SLIT3: variants seen among roughly 807,000 people sequenced by gnomAD.
SLIT3 encodes slit guidance ligand 3.
In SLIT3, 68 loss-of-function variants were observed where a neutral mutation model predicts 184.0. The observed-to-expected ratio is 0.37, with a 90% CI of 0.30 to 0.45. The LOEUF (loss-of-function observed/expected upper bound fraction) is 0.45, where lower values mean the gene tolerates loss of function less well. SLIT3 is among the 20% of genes least tolerant of loss of function. SLIT3 has a pLI of 1.00. For missense variants in SLIT3, 1,707 were observed against 2,026.0 expected (o/e 0.84, Z 3.02); for synonymous variants, 831 against 828.6 (o/e 1.00, Z -0.05).
intron 4 of SLIT3, among the ~76,000 whole-genome samples, chr5:168,941,615 A>G (rs553510287): frequency 6.6e-6 from 1 of 152,288 alleles, no homozygotes; most frequent in South Asian, 2.1e-4. Flanking sequence ...AGAAATGGAA[A>G]TCCAGTCTCT....
intron 11 of SLIT3, among the ~76,000 whole-genome samples, chr5:168,787,678 T>C (rs571692581): frequency 6.6e-6 from 1 of 152,290 alleles, no homozygotes; most frequent in South Asian, 2.1e-4. Flanking sequence ...CTCCCTTGCA[T>C]GTAGGCCCCA....
At chr5:168,818,726 G>C (rs1757423265) in intron 7 of SLIT3, among the ~76,000 whole-genome samples, 1 of 152,202 alleles carries the variant, frequency 6.6e-6, no homozygotes, top group African/African-American at 2.4e-5. Flanking sequence ...AGAGCTGAAG[G>C]GCTCTTGACC....
chr5:168,968,118 C>A (rs1763277297), intron 4 of SLIT3, among the ~76,000 whole-genome samples: 1 of 152,156 alleles, frequency 6.6e-6, no homozygotes, highest in African/African-American at 2.4e-5. Flanking sequence ...CTCTCCCCTC[C>A]CATTAAATAT....
At chr5:169,099,422 T>C (rs547476622) in intron 4 of SLIT3, among the ~76,000 whole-genome samples, 3 of 152,320 alleles carry the variant, frequency 2.0e-5, no homozygotes, top group African/African-American at 7.2e-5. Context: ...TCCTAGCTCC[T>C]GTTCCTTCCC....
intron 15 of SLIT3, among the ~76,000 whole-genome samples, chr5:168,762,200 G>C (rs1452112913): frequency 6.6e-6 from 1 of 151,892 alleles, no homozygotes; most frequent in African/African-American, 2.4e-5. Flanking sequence ...TCTTCATTTA[G>C]CACCCAACTT....
Position 168,823,255 on chromosome 5 carries a change from C to G in SLIT3, c.629+5G>C, listed in dbSNP as rs1757591537. On this transcript the variant is annotated splice_donor_5th_base_variant and intron_variant, in intron 7 of 35. Coordinates refer to ENST00000519560, the MANE Select transcript of SLIT3 (RefSeq NM_003062.4). Reference sequence around the variant, plus strand: ...ATGGGAGAGATGCACAGACTTCTTACTCACAGAGTTCGGATCTTCGGCATG... The same window carrying G: ...ATGGGAGAGATGCACAGACTTCTTAGTCACAGAGTTCGGATCTTCGGCATG... 6.2e-7 allele frequency: 1 copy of G among 1,611,954 alleles called. No homozygotes were observed. The highest frequency in any genetic ancestry group is 8.5e-7 in the Non-Finnish European group (1 of 1,178,132).
intron 4 of SLIT3, among the ~76,000 whole-genome samples, chr5:168,944,142 G>A (rs940538006): frequency 1.3e-5 from 2 of 152,084 alleles, no homozygotes; most frequent in African/African-American, 2.4e-5. Flanking sequence ...ATTGGATAAC[G>A]GCCCGAGATT....
chr5:168,815,802 C>T (rs966781651), intron 8 of SLIT3, among the ~76,000 whole-genome samples: 2 of 152,182 alleles, frequency 1.3e-5, no homozygotes, highest in Non-Finnish European at 2.9e-5. Flanking sequence ...GCGCTTCTGG[C>T]CATACTGGAG....
intron 4 of SLIT3, among the ~76,000 whole-genome samples, chr5:169,122,134 G>A (rs1760900639): frequency 6.6e-6 from 1 of 151,766 alleles, no homozygotes; most frequent in Non-Finnish European, 1.5e-5. Flanking sequence ...ATTTCACTAG[G>A]GCCTATGTTT....
chr5:168,684,611 G>A (rs1311424869), intron 31 of SLIT3, among the ~76,000 whole-genome samples: 3 of 151,872 alleles, frequency 2.0e-5, no homozygotes, highest in Admixed American at 6.6e-5. Flanking sequence ...CTGGGACTAC[G>A]GGTGCTTACC....
intron 16 of SLIT3, among the ~76,000 whole-genome samples, chr5:168,756,559 C>T (rs909622334): frequency 4.6e-5 from 7 of 152,220 alleles, no homozygotes; most frequent in Non-Finnish European, 7.3e-5. Context: ...TCAGCAGACT[C>T]GCAGACTGGA....
rs34420406 is a variant in SLIT3, at chr5:168,844,896, A to ATTTT, written c.486-245_486-242dup. 4.1e-3 allele frequency: 944 copies of ATTTT among 230,890 alleles called. 18 individuals carry two copies. Among genetic ancestry groups the ATTTT allele is most frequent in the African/African-American group, 0.026 (867 of 32,930 alleles). 14.3% of individuals were successfully genotyped at this position (230,890 alleles called of 1,614,324 possible). A position where few individuals can be genotyped will look rare whatever the true frequency, so the allele number is the denominator to read the frequency against. Reference sequence around the variant, plus strand: ...AGGTCTCAGTAAATATTAATTGCGCATTTTTTTTTTTTTTTTTTTTTTAGG... The same window carrying ATTTT: ...AGGTCTCAGTAAATATTAATTGCGCATTTTTTTTTTTTTTTTTTTTTTTTTTAGG... On this transcript the variant is annotated intron_variant, in intron 5 of 35. Transcript: ENST00000519560.
intron 4 of SLIT3, among the ~76,000 whole-genome samples, chr5:168,924,540 G>A (rs538092128): frequency 5.3e-5 from 8 of 151,744 alleles, no homozygotes; most frequent in Middle Eastern, 6.8e-3. Context: ...AGCTCACTCT[G>A]CCTCTGCCAC....
intron 4 of SLIT3, among the ~76,000 whole-genome samples, chr5:169,160,511 T>C (rs764145376): frequency 1.3e-5 from 2 of 152,206 alleles, no homozygotes; most frequent in South Asian, 2.1e-4. Flanking sequence ...CTTTAATTCA[T>C]CAAGCATTTC....
Position 168,666,631 on chromosome 5 carries a change from T to C in SLIT3, c.4395A>G (p.Ala1465=), listed in dbSNP as rs755609617. 1 of 1,614,222 alleles carries C rather than the reference T, an allele frequency of 6.2e-7. No homozygotes were observed. The highest frequency in any genetic ancestry group is 8.5e-7 in the Non-Finnish European group (1 of 1,180,042). ...GCACCTTGGAGGCTGTGGCACATGATGCATAACCTTTCTGGCGGCGGATCA... is the reference window on the plus strand; with the variant it reads ...GCACCTTGGAGGCTGTGGCACATGACGCATAACCTTTCTGGCGGCGGATCA... ...REVIRRQKGY[A]SCATASKVPI... The change falls in exon 36 of 36, where the codon GCA becomes GCG. Residue 1465 remains alanine, a synonymous_variant. Transcript: ENST00000519560.
chr5:168,679,086 T>G (rs549362265), intron 32 of SLIT3, among the ~76,000 whole-genome samples: 1 of 152,242 alleles, frequency 6.6e-6, no homozygotes, highest in African/African-American at 2.4e-5. Flanking sequence ...TGAGATCGGG[T>G]CTTGCTCTCT....
intron 1 of SLIT3, among the ~76,000 whole-genome samples, chr5:169,298,896 T>C (rs566008312): frequency 6.6e-6 from 1 of 152,350 alleles, no homozygotes; most frequent in South Asian, 2.1e-4. Context: ...AAAGCATTTA[T>C]CAAACATTAG....
chr5:168,812,450 G>A (rs1462648398), intron 8 of SLIT3, among the ~76,000 whole-genome samples: 1 of 152,052 alleles, frequency 6.6e-6, no homozygotes, highest in African/African-American at 2.4e-5. Flanking sequence ...ACATCACACT[G>A]TACACTATCA....
intron 4 of SLIT3, among the ~76,000 whole-genome samples, chr5:168,901,092 G>C (rs774622602): frequency 2.0e-5 from 3 of 152,224 alleles, no homozygotes; most frequent in African/African-American, 7.2e-5. Context: ...GCCAGGCACA[G>C]TGGCTCACAT....
Sources: gnomAD v4.1 joint callset for allele counts (sites outside exome capture counted in the v4.1 genomes callset) on GRCh38, gnomAD v4.1.1 for gene constraint, MANE v1.5 for transcripts, NCBI Gene and HGNC (gene_info 2026-07-23, HGNC 2026-07-21) for gene names.